PDZD2: variants seen among roughly 807,000 people sequenced by gnomAD.
The protein encoded by PDZD2 is PDZ domain-containing protein 2.
A neutral mutation model predicts 220.7 loss-of-function variants in PDZD2; 90 were observed. The ratio of observed to expected loss-of-function variants is 0.41; its 90% CI spans 0.34 to 0.49. PDZD2 has a LOEUF of 0.49. Among genes scored for constraint, PDZD2 ranks in the 20% least tolerant of loss-of-function variants. PDZD2 has a pLI of 0.28. For synonymous variants in PDZD2, 1,375 were observed against 1,450.5 expected (o/e 0.95, Z 1.18); for missense variants, 3,174 against 3,608.5 (o/e 0.88, Z 3.08).
chr5:32,007,643 T>C (rs1282332250), intron 5 of PDZD2, among the ~76,000 whole-genome samples: 1 of 152,224 alleles, frequency 6.6e-6, no homozygotes, highest in Admixed American at 6.5e-5. Context: ...TTTCATTCAT[T>C]TATTTTTTGG....
At position 31,639,171 on chromosome 5, in the gene PDZD2, AC is replaced by A. The variant is rs1371075765; in HGVS notation, c.-623del. Among the ~76,000 whole-genome samples the A allele has an allele frequency of 6.6e-6, 1 of 151,714 alleles. No individual in the cohort carries two copies. Among genetic ancestry groups the A allele is most frequent in the Non-Finnish European group, 1.5e-5 (1 of 67,850 alleles). ...CCCTGCGCAGCGAGGCGAGGAGCGG[AC>A]CCCAGCGCCGGTGCGTGCCGGCCCC... On this transcript the variant is annotated 5_prime_UTR_variant, in exon 1 of 25. Transcript: ENST00000438447. This position sits in a 1 kb window ranked among gnomAD's most constrained non-coding sequence, Gnocchi z 4.1.
chr5:31,784,542 G>A (rs1056911043), intron 1 of PDZD2, among the ~76,000 whole-genome samples: 43 of 152,294 alleles, frequency 2.8e-4, no homozygotes, highest in African/African-American at 1.0e-3. Flanking sequence ...TGTGCACTTT[G>A]GAGAAAGTGG....
intron 2 of PDZD2, among the ~76,000 whole-genome samples, chr5:31,940,239 TC>T (rs1746101929): frequency 6.6e-6 from 1 of 152,214 alleles, no homozygotes; most frequent in Admixed American, 6.5e-5. Context: ...TGGCAACTGT[TC>T]CTTGCAGCAG....
chr5:31,695,362 A>G lies in PDZD2; in HGVS notation c.-361+55925A>G, dbSNP rs1162212980. ...ATTTTGATGCCACATTTCAAAAAAT[A>G]AAAATTAATGCCAGAAAATCTAGGT... On this transcript the variant is annotated intron_variant, in intron 1 of 24. Transcript: ENST00000438447. Among the ~76,000 whole-genome samples, 3 of 152,238 alleles carry G rather than the reference A, an allele frequency of 2.0e-5. No homozygotes were observed. The East Asian group carries it at 5.8e-4, about 29-fold the overall frequency.
chr5:32,002,905 C>CACACACA (rs1752348718), intron 5 of PDZD2, among the ~76,000 whole-genome samples: 2 of 17,840 alleles, frequency 1.1e-4, no homozygotes, highest in Non-Finnish European at 2.5e-4. Context: ...ACACACACCC[C>CACACACA]CACCACACAC....
At chr5:31,759,407 G>A (rs528647022) in intron 1 of PDZD2, among the ~76,000 whole-genome samples, 4 of 152,082 alleles carry the variant, frequency 2.6e-5, no homozygotes, top group Admixed American at 1.3e-4. Flanking sequence ...ATTTGCTGGC[G>A]CTGTAGTCAG....
At position 32,090,851 on chromosome 5, in the gene PDZD2, C is replaced by G; in HGVS notation, c.7403C>G (p.Ser2468Trp). 1 of 1,614,082 alleles carries G rather than the reference C, an allele frequency of 6.2e-7. No individual in the cohort carries two copies. The highest frequency in any genetic ancestry group is 1.7e-4 in the Middle Eastern group (1 of 6,060). The change falls in exon 20 of 25, where the codon TCG (serine) becomes TGG (tryptophan). Residue 2468 changes from serine to tryptophan, a missense_variant. Physicochemically the swap from Ser to Trp is radical, Grantham distance 177 (BLOSUM62 -3). Around this residue, in one of 4 missense-constraint regions of PDZD2, gnomAD observed 631 missense variants for 789.9 expected, o/e 0.80. Transcript: ENST00000438447. This position sits in a 1 kb window ranked among gnomAD's most constrained non-coding sequence, Gnocchi z 4.3. Reference protein sequence around the residue: ...LASPVKRNKSSVRHTQPSPVS... With the variant: ...LASPVKRNKSWVRHTQPSPVS... ...TCTCCTGTTAAGAGGAACAAGTCCT[C>G]GGTACGCCACACGCAGCCCTCGCCC...
chr5:31,871,018 CACTGTAG>C lies in PDZD2; in HGVS notation c.476+71298_476+71304del, dbSNP rs149455331. Among the ~76,000 whole-genome samples the C allele has an allele frequency of 1.2e-4, 19 of 152,174 alleles. 1 individual carries two copies. Among genetic ancestry groups the C allele is most frequent in the Non-Finnish European group, 2.5e-4 (17 of 68,002 alleles). On this transcript the variant is annotated intron_variant, in intron 2 of 24. Transcript: ENST00000438447. ...GGAAGTGGTGTAAAAATGCCAATGCCACTGTAGACTTTAAATAAATGTTTTCTTAAAG... is the reference window on the plus strand; with the variant it reads ...GGAAGTGGTGTAAAAATGCCAATGCCACTTTAAATAAATGTTTTCTTAAAG...
At chr5:31,811,991 AAAATAAATAAATAAAT>A (rs369835690) in intron 2 of PDZD2, among the ~76,000 whole-genome samples, 90 of 138,864 alleles carry the variant, frequency 6.5e-4, no homozygotes, top group South Asian at 1.7e-3. Context: ...CTCTGTCTCA[AAAATAAATAAATAAAT>A]AAATAAATAA....
chr5:31,718,801 A>G (rs1748611010), intron 1 of PDZD2, among the ~76,000 whole-genome samples: 1 of 150,234 alleles, frequency 6.7e-6, no homozygotes, highest in Non-Finnish European at 1.5e-5. Flanking sequence ...CTTGGGTTCA[A>G]GTCATTCTCC....
At chr5:31,879,425 A>C (rs1239545545) in intron 2 of PDZD2, among the ~76,000 whole-genome samples, 1 of 151,412 alleles carries the variant, frequency 6.6e-6, no homozygotes, top group Admixed American at 6.6e-5. Context: ...GTTTCTCTTC[A>C]GGTATGACCC....
chr5:31,747,462 C>A (rs896463011), intron 1 of PDZD2, among the ~76,000 whole-genome samples: 4 of 152,114 alleles, frequency 2.6e-5, no homozygotes, highest in African/African-American at 9.7e-5. Flanking sequence ...TTAAGAGTGG[C>A]CTCCCTGCTT....
intron 14 of PDZD2, among the ~76,000 whole-genome samples, chr5:32,064,351 C>G (rs1739994121): frequency 6.6e-6 from 1 of 151,968 alleles, no homozygotes; most frequent in Non-Finnish European, 1.5e-5. Flanking sequence ...AAGTGATTCT[C>G]CTGCCTCAGC....
At chr5:31,922,872 A>AT (rs1234732656) in intron 2 of PDZD2, among the ~76,000 whole-genome samples, 1 of 151,916 alleles carries the variant, frequency 6.6e-6, no homozygotes, top group Non-Finnish European at 1.5e-5. Context: ...TAGACATGGG[A>AT]TTTTACCATG....
intron 3 of PDZD2, among the ~76,000 whole-genome samples, chr5:31,987,248 CAAGTTT>C (rs1750792131): frequency 6.6e-6 from 1 of 152,174 alleles, no homozygotes; most frequent in Non-Finnish European, 1.5e-5. Context: ...GCCAAGCAGA[CAAGTTT>C]ATTCATGACT....
intron 2 of PDZD2, among the ~76,000 whole-genome samples, chr5:31,968,142 A>G (rs1293563840): frequency 6.6e-6 from 1 of 152,148 alleles, no homozygotes; most frequent in Non-Finnish European, 1.5e-5. Flanking sequence ...CACTTATAAA[A>G]GAGACTTCAG....
In PDZD2 at chr5:31,758,848, T is replaced by C. The variant is rs532276609; in HGVS notation, c.-360-40041T>C. 1.8e-4 allele frequency among the ~76,000 whole-genome samples: 27 copies of C among 152,292 alleles called. No homozygotes were observed. In the South Asian group the frequency reaches 5.0e-3, roughly 28 times the overall value. On this transcript the variant is annotated intron_variant, in intron 1 of 24. Transcript: ENST00000438447. ...CAAAGTATGGAAAGTGTATGGCCTC[T>C]GCTTTGAAAGCAAAATGGTAGAGCA...
At chr5:31,648,515 C>T (rs1173364145) in intron 1 of PDZD2, among the ~76,000 whole-genome samples, 2 of 152,122 alleles carry the variant, frequency 1.3e-5, no homozygotes, top group African/African-American at 4.8e-5. Context: ...CAGCCTCCAC[C>T]TTGTTCTCCC....
intron 2 of PDZD2, among the ~76,000 whole-genome samples, chr5:31,879,432 A>G (rs1739657155): frequency 6.6e-6 from 1 of 151,398 alleles, no homozygotes; most frequent in South Asian, 2.1e-4. Context: ...TTCAGGTATG[A>G]CCCCAGCAAG....
Sources: gnomAD v4.1 joint callset for allele counts (sites outside exome capture counted in the v4.1 genomes callset) on GRCh38, gnomAD v4.1.1 for gene constraint, gnomAD v4.1.1 regional missense constraint, Gnocchi (gnomAD v3.1) non-coding constraint, MANE v1.5 for transcripts, NCBI Gene and HGNC (gene_info 2026-07-23, HGNC 2026-07-21) for gene names.